The following PRKCB variants were observed in gnomAD, a reference collection of about 807,000 sequenced individuals.
PRKCB encodes the protein protein kinase C beta type.
Under a neutral mutation model 81.5 loss-of-function variants are expected in PRKCB, and 13 were observed. The observed-to-expected ratio is 0.16, with a 90% CI of 0.10 to 0.25. The LOEUF (loss-of-function observed/expected upper bound fraction) is 0.25, where lower values mean the gene tolerates loss of function less well. PRKCB is among the 10% of genes least tolerant of loss of function. The probability of loss-of-function intolerance (pLI) is 1.00; values close to 1 mark genes in which losing one functional copy is unlikely to be tolerated. For missense variants in PRKCB, 509 were observed against 875.7 expected, an observed-to-expected ratio of 0.58 and a Z score of 5.29; for synonymous variants, 335 against 321.4, an observed-to-expected ratio of 1.04 and a Z score of -0.45.
intron 2 of PRKCB, among the ~76,000 whole-genome samples, chr16:23,981,675 C>CCCCTTCCCCTTCCCTTCCCCTT (rs1180329596): frequency 2.0e-5 from 2 of 99,656 alleles, no homozygotes; most frequent in Admixed American, 9.8e-5. Context: ...CCTTTCTCTT[C>CCCCTTCCCCTTCCCTTCCCCTT]CCCTTCCCCT....
At chr16:24,106,667 C>T (rs1185859360) in intron 7 of PRKCB, among the ~76,000 whole-genome samples, 2 of 152,164 alleles carry the variant, frequency 1.3e-5, no homozygotes, top group Non-Finnish European at 2.9e-5. Flanking sequence ...AATCAATTTA[C>T]AGTCTTATCA....
At chr16:23,900,114 C>T (rs1458219845) in intron 2 of PRKCB, among the ~76,000 whole-genome samples, 1 of 152,140 alleles carries the variant, frequency 6.6e-6, no homozygotes, top group African/African-American at 2.4e-5. Flanking sequence ...GGGGTTGCTA[C>T]TGGAATCTAG....
intron 2 of PRKCB, among the ~76,000 whole-genome samples, chr16:23,848,592 C>T (rs866137788): frequency 2.8e-4 from 43 of 152,162 alleles, no homozygotes; most frequent in African/African-American, 9.9e-4. Context: ...GAAAGGCATC[C>T]TCCCACTCCC....
At chr16:24,155,706 G>A (rs1445998149) in intron 10 of PRKCB, among the ~76,000 whole-genome samples, 1 of 152,214 alleles carries the variant, frequency 6.6e-6, no homozygotes, top group Non-Finnish European at 1.5e-5. Context: ...GGACACTACA[G>A]TACTTTGCAT....
At chr16:23,892,387 C>G (rs1387354875) in intron 2 of PRKCB, among the ~76,000 whole-genome samples, 1 of 152,124 alleles carries the variant, frequency 6.6e-6, no homozygotes, top group Non-Finnish European at 1.5e-5. Flanking sequence ...TGGATTAAAT[C>G]GTTTTAAGGT....
chr16:23,994,831 C>T (rs1342782171), intron 3 of PRKCB, among the ~76,000 whole-genome samples: 3 of 152,196 alleles, frequency 2.0e-5, no homozygotes, highest in African/African-American at 2.4e-5. Flanking sequence ...AGCAATACAC[C>T]TTCACTGTCC....
chr16:24,024,603 T>C (rs571350178), intron 3 of PRKCB, among the ~76,000 whole-genome samples: 1 of 152,334 alleles, frequency 6.6e-6, no homozygotes, highest in East Asian at 1.9e-4. Context: ...ATGCATACAA[T>C]TATAATTTGT....
intron 5 of PRKCB, among the ~76,000 whole-genome samples, chr16:24,055,380 C>T (rs1455827731): frequency 6.6e-6 from 1 of 152,158 alleles, no homozygotes; most frequent in African/African-American, 2.4e-5. Flanking sequence ...GGGAGATGGC[C>T]CTGGAACTGA....
chr16:23,991,319 C>A (rs959958821), intron 3 of PRKCB, among the ~76,000 whole-genome samples: 2 of 152,204 alleles, frequency 1.3e-5, no homozygotes, highest in South Asian at 2.1e-4. Flanking sequence ...CCTTGGAAAT[C>A]TGTTTGCAAA....
chr16:24,007,244 G>T (rs375216245), intron 3 of PRKCB, among the ~76,000 whole-genome samples: 2 of 152,176 alleles, frequency 1.3e-5, no homozygotes, highest in African/African-American at 4.8e-5. Flanking sequence ...GCTTCATGCC[G>T]TAACTGGCAC....
chr16:24,075,182 C>T (rs778341502), intron 5 of PRKCB, among the ~76,000 whole-genome samples: 5 of 150,760 alleles, frequency 3.3e-5, no homozygotes, highest in Non-Finnish European at 7.4e-5. Context: ...ATTTTTCCAA[C>T]ACAATAGCCA....
intron 9 of PRKCB, among the ~76,000 whole-genome samples, chr16:24,139,947 A>G (rs1966883618): frequency 6.6e-6 from 1 of 152,128 alleles, no homozygotes. Context: ...TCTCCCCATT[A>G]TATCACTTTC....
At chr16:24,088,109 C>T (rs926346189) in intron 5 of PRKCB, among the ~76,000 whole-genome samples, 1 of 152,154 alleles carries the variant, frequency 6.6e-6, no homozygotes, top group Non-Finnish European at 1.5e-5. Context: ...GATTTGCTTC[C>T]GCGATACATA....
At chr16:23,870,672 C>G (rs759789261) in intron 2 of PRKCB, among the ~76,000 whole-genome samples, 3 of 152,214 alleles carry the variant, frequency 2.0e-5, no homozygotes, top group Non-Finnish European at 4.4e-5. Context: ...CCTACCTGCA[C>G]GTAGGTTGAT....
chr16:23,891,746 G>A (rs543176734), intron 2 of PRKCB, among the ~76,000 whole-genome samples: 1 of 152,176 alleles, frequency 6.6e-6, no homozygotes, highest in African/African-American at 2.4e-5. Context: ...GGGTCATGTT[G>A]CTCTGAAAGG....
chr16:23,849,770 A>G (rs1339334446), intron 2 of PRKCB, among the ~76,000 whole-genome samples: 1 of 152,224 alleles, frequency 6.6e-6, no homozygotes, highest in Non-Finnish European at 1.5e-5. Context: ...ATACATATAT[A>G]CAATGTGTCA....
At chr16:24,176,711 G>A (rs1427046941) in intron 12 of PRKCB, among the ~76,000 whole-genome samples, 1 of 152,058 alleles carries the variant, frequency 6.6e-6, no homozygotes, top group African/African-American at 2.4e-5. Context: ...TGGCTAACAT[G>A]GTGAAACCTC....
At chr16:24,155,072 A>C (rs965870455) in intron 10 of PRKCB, among the ~76,000 whole-genome samples, 1 of 152,242 alleles carries the variant, frequency 6.6e-6, no homozygotes, top group Non-Finnish European at 1.5e-5. Context: ...TAGATAAAGG[A>C]ATTCAGGCAA....
intron 11 of PRKCB, among the ~76,000 whole-genome samples, chr16:24,174,006 C>T (rs1967487550): frequency 6.6e-6 from 1 of 151,680 alleles, no homozygotes; most frequent in African/African-American, 2.4e-5. Context: ...AAGTATAATT[C>T]TCTCTTTTTT....
Sources: allele counts gnomAD v4.1 joint callset (sites outside exome capture counted in the v4.1 genomes callset), GRCh38; gene constraint gnomAD v4.1.1; transcripts MANE v1.5; gene names NCBI Gene and HGNC (gene_info 2026-07-23, HGNC 2026-07-21).